The following HPSE2 variants were observed in gnomAD, a reference collection of about 807,000 sequenced individuals.
HPSE2 encodes the protein heparanase 2 (inactive), also known as inactive heparanase-2.
HPSE2 carries 38 observed loss-of-function variants against 60.5 expected under a neutral mutation model. That is an observed-to-expected ratio of 0.63 (90% CI 0.48 to 0.82). HPSE2 has a LOEUF of 0.82. Among genes scored for constraint, HPSE2 ranks in the 40% least tolerant of loss-of-function variants. The probability of loss-of-function intolerance (pLI) is 0.00; values close to 1 mark genes in which losing one functional copy is unlikely to be tolerated. For missense variants in HPSE2, 713 were observed against 740.4 expected (o/e 0.96, Z 0.43); for synonymous variants, 295 against 293.2 (o/e 1.01, Z -0.06).
intron 3 of HPSE2, among the ~76,000 whole-genome samples, chr10:98,935,921 G>A (rs1954775158): frequency 6.9e-6 from 1 of 144,938 alleles, no homozygotes; most frequent in South Asian, 2.1e-4. Context: ...CCTCCCACCA[G>A]GTGCTCTGTC....
At chr10:98,482,577 TC>T (rs1432196979) in intron 11 of HPSE2, 58 bp downstream of exon 11, 40 of 1,603,866 alleles carry the variant, frequency 2.5e-5, no homozygotes, top group Non-Finnish European at 3.2e-5. Context: ...GTCTTCAGCC[TC>T]CCCCTCCCTC....
chr10:98,775,621 C>T (rs1041970342), intron 3 of HPSE2, among the ~76,000 whole-genome samples: 2 of 152,184 alleles, frequency 1.3e-5, no homozygotes, highest in Non-Finnish European at 2.9e-5. Context: ...GCTAAATCTT[C>T]ACTAAGAATG....
At chr10:98,885,838 G>T (rs571581350) in intron 3 of HPSE2, among the ~76,000 whole-genome samples, 1 of 152,072 alleles carries the variant, frequency 6.6e-6, no homozygotes, top group East Asian at 1.9e-4. Context: ...TTATTTTGGT[G>T]GTCTAGGACC....
At position 99,143,661 on chromosome 10, in the gene HPSE2, G is replaced by C. The variant is rs570129866; in HGVS notation, c.610+577C>G. Reference sequence around the variant, plus strand: ...CATGCAGCTCATTTGCTCATTACCAGCAAGTCTGCAAGCAGCCTTGAAAAA... The same window carrying C: ...CATGCAGCTCATTTGCTCATTACCACCAAGTCTGCAAGCAGCCTTGAAAAA... On this transcript the variant is annotated intron_variant, in intron 3 of 11. Coordinates refer to ENST00000370552, the MANE Select transcript of HPSE2 (RefSeq NM_021828.5). Among the ~76,000 whole-genome samples, 9 of 152,266 alleles carry C rather than the reference G, an allele frequency of 5.9e-5. No homozygotes were observed. In the East Asian group the frequency reaches 1.5e-3, roughly 26 times the overall value.
chr10:98,971,017 T>C (rs1955938782), intron 3 of HPSE2, among the ~76,000 whole-genome samples: 2 of 152,252 alleles, frequency 1.3e-5, no homozygotes, highest in South Asian at 4.1e-4. Flanking sequence ...GTTTGTGATA[T>C]GGTGTACATT....
At chr10:99,270,288 G>A in the HPSE2 span, among the ~76,000 whole-genome samples, 13 of 152,206 alleles carry the variant, frequency 8.5e-5, no homozygotes, top group African/African-American at 3.1e-4. Flanking sequence ...AAATGAAATG[G>A]GAGATACCAC....
At chr10:99,314,534 C>T in the HPSE2 span, among the ~76,000 whole-genome samples, 1 of 152,060 alleles carries the variant, frequency 6.6e-6, no homozygotes, top group Non-Finnish European at 1.5e-5. Flanking sequence ...TAATAGACTA[C>T]AATATAGTGT....
upstream of HPSE2, among the ~76,000 whole-genome samples, chr10:99,237,091 C>G (rs545792783): frequency 6.6e-6 from 1 of 152,268 alleles, no homozygotes; most frequent in East Asian, 1.9e-4. Context: ...GCTTCCACCC[C>G]ACAACAGCTT....
intron 3 of HPSE2, among the ~76,000 whole-genome samples, chr10:98,863,116 A>G (rs1040198245): frequency 3.9e-5 from 6 of 152,178 alleles, no homozygotes; most frequent in African/African-American, 1.2e-4. Flanking sequence ...CCAGGAATGA[A>G]ACATGTCAGT....
intron 4 of HPSE2, among the ~76,000 whole-genome samples, chr10:98,735,990 T>A (rs116556645): frequency 6.6e-6 from 1 of 152,108 alleles, no homozygotes; most frequent in Non-Finnish European, 1.5e-5. Flanking sequence ...AATGAGGACA[T>A]GAGGTTTGGG....
chr10:98,836,248 C>CT (rs1951787431), intron 3 of HPSE2, among the ~76,000 whole-genome samples: 1 of 152,136 alleles, frequency 6.6e-6, no homozygotes, highest in South Asian at 2.1e-4. Context: ...CCAATTAGAC[C>CT]TTTAAAACTC....
At chr10:98,756,317 CA>C (rs1304573951) in intron 3 of HPSE2, among the ~76,000 whole-genome samples, 4 of 151,818 alleles carry the variant, frequency 2.6e-5, no homozygotes, top group African/African-American at 9.7e-5. Context: ...AATAAATAAC[CA>C]AAATCAGAGC....
At chr10:99,137,288 A>C (rs1202568967) in intron 3 of HPSE2, among the ~76,000 whole-genome samples, 1 of 152,254 alleles carries the variant, frequency 6.6e-6, no homozygotes, top group African/African-American at 2.4e-5. Flanking sequence ...GATAGGAAGA[A>C]TCAATATCGT....
At chr10:98,983,892 T>C (rs1190724252) in intron 3 of HPSE2, among the ~76,000 whole-genome samples, 1 of 152,184 alleles carries the variant, frequency 6.6e-6, no homozygotes, top group Non-Finnish European at 1.5e-5. Context: ...GCCTCATTCA[T>C]TGCTAGCACA....
chr10:98,919,243 T>C (rs941198013), intron 3 of HPSE2, among the ~76,000 whole-genome samples: 3 of 152,112 alleles, frequency 2.0e-5, no homozygotes, highest in African/African-American at 7.2e-5. Flanking sequence ...GCAGATAATA[T>C]GCAGATGTGT....
intron 3 of HPSE2, among the ~76,000 whole-genome samples, chr10:98,926,748 G>A (rs1293133660): frequency 6.6e-6 from 1 of 152,146 alleles, no homozygotes; most frequent in Non-Finnish European, 1.5e-5. Flanking sequence ...TAAATTAAAA[G>A]TTGTGATACA....
At chr10:99,201,154 C>CAA (rs11395011) in intron 2 of HPSE2, among the ~76,000 whole-genome samples, 1 of 151,808 alleles carries the variant, frequency 6.6e-6, no homozygotes, top group South Asian at 2.1e-4. Flanking sequence ...GTACATTTTC[C>CAA]AAAAAAATAC....
chr10:98,591,894 T>G (rs1489148145), intron 9 of HPSE2, among the ~76,000 whole-genome samples: 1 of 152,214 alleles, frequency 6.6e-6, no homozygotes, highest in African/African-American at 2.4e-5. Context: ...TCAGTTTGGC[T>G]TATTGGCCTA....
At chr10:99,131,587 T>C (rs1845386228) in intron 3 of HPSE2, among the ~76,000 whole-genome samples, 1 of 152,030 alleles carries the variant, frequency 6.6e-6, no homozygotes. Context: ...ATAAGACCAT[T>C]TGCAGCAACT....
Sources: gnomAD v4.1 joint callset for allele counts (sites outside exome capture counted in the v4.1 genomes callset) on GRCh38, gnomAD v4.1.1 for gene constraint, MANE v1.5 for transcripts, NCBI Gene and HGNC (gene_info 2026-07-23, HGNC 2026-07-21) for gene names.